The following LTBP4 variants were observed in gnomAD, a reference collection of about 807,000 sequenced individuals.
LTBP4 encodes latent-transforming growth factor beta-binding protein 4.
Under a neutral mutation model 180.2 loss-of-function variants are expected in LTBP4, and 93 were observed. That is an observed-to-expected ratio of 0.52 (90% CI 0.44 to 0.61). The LOEUF is 0.61. Among genes scored for constraint, LTBP4 ranks in the 20% least tolerant of loss-of-function variants. The pLI is 0.00. For missense variants in LTBP4, 2,116 were observed against 2,256.5 expected, an observed-to-expected ratio of 0.94 and a Z score of 1.26; for synonymous variants, 947 against 934.5, an observed-to-expected ratio of 1.01 and a Z score of -0.24.
chr19:40,610,121 C>A (rs1331691483), intron 11 of LTBP4: 1 of 537,454 alleles, frequency 1.9e-6, no homozygotes. Context: ...TATTGCTCCG[C>A]CCCCACGCCC....
chr19:40,609,844 GC>G lies in LTBP4; in HGVS notation c.1659del (p.Gly554AlafsTer190). 1 of 1,596,370 alleles carries G rather than the reference GC, an allele frequency of 6.3e-7. No homozygotes were observed. Among genetic ancestry groups the G allele is most frequent in the Non-Finnish European group, 8.5e-7 (1 of 1,170,358 alleles). ...FRCVCGPGFR[A>X]GPRAAECLDV... ...CTGCGTGTGCGGCCCGGGCTTCCGA[GC>G]CGGCCCACGGGCTGCGGAATGCCTG... On this transcript the variant is annotated frameshift_variant, in exon 11 of 30. Coordinates refer to ENST00000396819, the MANE Select transcript of LTBP4 (RefSeq NM_001042545.2). LOFTEE classifies it high-confidence loss of function. This position sits in a 1 kb window ranked among gnomAD's most constrained non-coding sequence, Gnocchi z 4.9.
intron 18 of LTBP4, 75 bp downstream of exon 18, chr19:40,614,113 C>A (rs2081529553): frequency 6.3e-7 from 1 of 1,581,000 alleles, no homozygotes; most frequent in South Asian, 1.1e-5. Context: ...CCACCTCTGT[C>A]TTTCCTCCTC....
At position 40,616,956 on chromosome 19, in the gene LTBP4, C is replaced by T. The variant is rs1380874429; in HGVS notation, c.2880C>T (p.Gly960=). The T allele has an allele frequency of 6.2e-7, 1 of 1,614,026 alleles. No homozygotes were observed. Among genetic ancestry groups the T allele is most frequent in the Non-Finnish European group, 8.5e-7 (1 of 1,179,892 alleles). The change falls in exon 20 of 30, where the codon GGC becomes GGT. Residue 960 remains glycine, a synonymous_variant. Transcript: ENST00000396819. The part of the protein sequence containing the change: ...CGAQRCENTP[G]SYRCTPACDP... ...CCCAGCGTTGTGAGAACACCCCTGG[C>T]TCCTACCGCTGCACACCAGCCTGTG...
At chr19:40,607,285 C>CCAT in intron 6 of LTBP4, 80 bp from the exon 7 acceptor site, 1 of 1,099,412 alleles carries the variant, frequency 9.1e-7, no homozygotes, top group Non-Finnish European at 1.3e-6. Context: ...ACCCCAGAAC[C>CCAT]ATTCCCCTCT....
At position 40,625,316 on chromosome 19, in the gene LTBP4, A is replaced by ATATATATATATATATT. The variant is rs1568414647; in HGVS notation, c.3833-540_3833-539insATATATATATATATTT. 3.6e-4 allele frequency among the ~76,000 whole-genome samples: 8 copies of ATATATATATATATATT among 21,930 alleles called. 1 individual carries two copies. Among genetic ancestry groups the ATATATATATATATATT allele is most frequent in the South Asian group, 2.2e-3 (1 of 464 alleles). 14.4% of individuals were successfully genotyped at this position (21,930 alleles called of 152,430 possible). ...TATATATATATATATATATATATATATTTTTTTTTTTAAAGATGGGTTTTT... is the reference window on the plus strand; with the variant it reads ...TATATATATATATATATATATATATATATATATATATATATTTTTTTTTTTTTAAAGATGGGTTTTT... On this transcript the variant is annotated intron_variant, in intron 26 of 29. Coordinates refer to ENST00000396819, the MANE Select transcript of LTBP4 (RefSeq NM_001042545.2).
At position 40,617,929 on chromosome 19, in the gene LTBP4, C is replaced by T. The variant is rs375825621; in HGVS notation, c.3070+704C>T. On this transcript the variant is annotated intron_variant, in intron 21 of 29. Coordinates refer to ENST00000396819, the MANE Select transcript of LTBP4 (RefSeq NM_001042545.2). Reference sequence around the variant, plus strand: ...ACACTTGCTTCCTCACATATCTATCCATTAATCCATCTAATTTTTTGGACA... The same window carrying T: ...ACACTTGCTTCCTCACATATCTATCTATTAATCCATCTAATTTTTTGGACA... 3.3e-5 allele frequency among the ~76,000 whole-genome samples: 5 copies of T among 152,148 alleles called. No homozygotes were observed. The East Asian group carries it at 7.7e-4, about 23-fold the overall frequency.
chr19:40,608,309 C>G lies in LTBP4; in HGVS notation c.1246C>G (p.Pro416Ala). 6.2e-7 allele frequency: 1 copy of G among 1,613,792 alleles called. No individual in the cohort carries two copies. Among genetic ancestry groups the G allele is most frequent in the Non-Finnish European group, 8.5e-7 (1 of 1,179,856 alleles). ...CAACACCAGACCCCTGGGCCAGGAGCCACCCCGAGTGTCACTCAGCCAGCC... is the reference window on the plus strand; with the variant it reads ...CAACACCAGACCCCTGGGCCAGGAGGCACCCCGAGTGTCACTCAGCCAGCC... ...RYNTRPLGQE[P>A]PRVSLSQPRT... Residue 416 changes from proline to alanine, a missense_variant, in exon 8 of 30, where the codon CCA becomes GCA. Physicochemically the swap from Pro to Ala is conservative, Grantham distance 27. Transcript: ENST00000396819.
intron 1 of LTBP4, among the ~76,000 whole-genome samples, chr19:40,602,621 C>A (rs559258945): frequency 1.8e-4 from 28 of 152,230 alleles, no homozygotes; most frequent in Non-Finnish European, 3.5e-4. Context: ...CCAGCCCCAA[C>A]GTGCCTGTGC....
chr19:40,617,232 G>GAGTGGGGTCCCATCC lies in LTBP4; in HGVS notation c.3070+8_3070+9insGTGGGGTCCCATCCA, dbSNP rs1248692131. ...GATGGGCGTCACTGCGTGGGTACGG[G>GAGTGGGGTCCCATCC]ACTTCAGGAGGTGGATGGGACCAAA... On this transcript the variant is annotated splice_region_variant and intron_variant, in intron 21 of 29. Coordinates refer to ENST00000396819, the MANE Select transcript of LTBP4 (RefSeq NM_001042545.2). The GAGTGGGGTCCCATCC allele has an allele frequency of 2.5e-6, 4 of 1,611,374 alleles. No homozygotes were observed. The highest frequency in any genetic ancestry group is 3.4e-6 in the Non-Finnish European group (4 of 1,177,992).
rs112614121 is a variant in LTBP4 at position 40,611,078 on chromosome 19, G to A, written c.1811-74G>A. 1.4e-3 allele frequency: 2,239 copies of A among 1,589,078 alleles called. 32 individuals are homozygous for A. The African/African-American group carries it at 0.025, about 18-fold the overall frequency. The stretch of plus-strand genomic sequence containing the variant: ...GGGTCACGGGGACAGAATGTTGGAG[G>A]GTGGAAAGCCAAAGTGACAGAGGTC... On this transcript the variant is annotated intron_variant, in intron 12 of 29. Transcript: ENST00000396819. The surrounding 1 kb of genome is among the most constrained non-coding windows in gnomAD (Gnocchi z 4.4).
upstream of LTBP4, chr19:40,599,498 C>T (rs373445028): frequency 8.1e-6 from 13 of 1,613,608 alleles, no homozygotes; most frequent in African/African-American, 1.3e-4. Context: ...GCCTGCAGTG[C>T]CCAGTCCCAG....
intron 26 of LTBP4, among the ~76,000 whole-genome samples, chr19:40,625,449 T>C (rs1172840026): frequency 6.6e-6 from 1 of 150,956 alleles, no homozygotes; most frequent in Non-Finnish European, 1.5e-5. Flanking sequence ...TCTGTGCTTC[T>C]TGCCACCTCT....
upstream of LTBP4, chr19:40,597,263 G>A (rs1261826857): frequency 1.3e-6 from 2 of 1,510,106 alleles, no homozygotes; most frequent in Admixed American, 2.0e-5. Context: ...AGCGGCCGCC[G>A]CCCCCTCCTG....
chr19:40,622,826 A>T lies in LTBP4; in HGVS notation c.3485-124A>T. On this transcript the variant is annotated intron_variant, in intron 23 of 29. Coordinates refer to ENST00000396819, the MANE Select transcript of LTBP4 (RefSeq NM_001042545.2). This position sits in a 1 kb window ranked among gnomAD's most constrained non-coding sequence, Gnocchi z 5.1. ...CAGGCAGGTGGGCATGGGCAGACAT[A>T]AGGCTGAGAGGTGGGCACTAACAGG... 7.2e-7 allele frequency: 1 copy of T among 1,382,970 alleles called. No homozygotes were observed. The highest frequency in any genetic ancestry group is 9.8e-7 in the Non-Finnish European group (1 of 1,016,682). 85.7% of individuals were successfully genotyped at this position (1,382,970 alleles called of 1,614,324 possible).
At position 40,613,445 on chromosome 19, in the gene LTBP4, G is replaced by C; in HGVS notation, c.2473G>C (p.Gly825Arg). 6.2e-7 allele frequency: 1 copy of C among 1,603,738 alleles called. No individual in the cohort carries two copies. Among genetic ancestry groups the C allele is most frequent in the Non-Finnish European group, 8.5e-7 (1 of 1,175,614 alleles). Residue 825 changes from glycine to arginine, a missense_variant, in exon 17 of 30, where the codon GGC becomes CGC. By Grantham distance (125) the Gly-to-Arg change is moderately radical. Around this residue, in one of 5 missense-constraint regions of LTBP4, gnomAD observed 877 missense variants for 873.6 expected, o/e 1.00. Transcript: ENST00000396819. The surrounding 1 kb of genome is among the most constrained non-coding windows in gnomAD (Gnocchi z 5.0). ...CLEGDFCFPH[G>R]ECLNTDGSFA... ...GGAGGGCGATTTCTGCTTCCCTCAC[G>C]GCGAGTGCCTCAACACTGACGGCTC...
rs530826991 is a variant in LTBP4, at chr19:40,614,081, C to T, written c.2680+43C>T. ...GGCCTGATCCCTCCTCCCTTCGACT[C>T]CCCGACTCGCCGATTGGCCTCCCAC... On this transcript the variant is annotated intron_variant, in intron 18 of 29. Coordinates refer to ENST00000396819, the MANE Select transcript of LTBP4 (RefSeq NM_001042545.2). The T allele has an allele frequency of 2.3e-5, 37 of 1,603,646 alleles. No homozygotes were observed. In the African/African-American group the frequency reaches 3.3e-4, roughly 14 times the overall value.
chr19:40,600,258 C>T (rs1262965554), upstream of LTBP4: 3 of 699,210 alleles, frequency 4.3e-6, no homozygotes, highest in Admixed American at 4.3e-5. This position sits in a 1 kb window ranked among gnomAD's most constrained non-coding sequence, Gnocchi z 4.4. Context: ...ACGGTCCAGC[C>T]GCCGCCTACC....
chr19:40,606,620 C>T lies in LTBP4; in HGVS notation c.991+94C>T. The T allele has an allele frequency of 3.4e-6, 5 of 1,462,580 alleles. 1 individual carries two copies. In the South Asian group the frequency reaches 6.3e-5, roughly 19 times the overall value. The allele number at this position is 1,462,580 out of a possible 1,614,324, so 90.6% of individuals were successfully genotyped here. ...GGGGCCTTTAATTCCCTCGGACCCC[C>T]CCAGACTCCCGGGTTCCTCTGTCAG... On this transcript the variant is annotated intron_variant, in intron 6 of 29. Transcript: ENST00000396819.
In LTBP4 at chr19:40,611,905, G is replaced by A. The variant is rs746887322; in HGVS notation, c.2100G>A (p.Arg700=). The A allele has an allele frequency of 9.3e-6, 15 of 1,609,828 alleles. No individual in the cohort carries two copies. Among genetic ancestry groups the A allele is most frequent in the East Asian group, 2.2e-5 (1 of 44,762 alleles). The stretch of plus-strand genomic sequence containing the variant: ...GCCCCCCACCCTGCACCTACGGCCG[G>A]TGTGAGAACACAGAAGGCAGCTTCC... ...ARSPPPCTYG[R]CENTEGSFQC... Residue 700 remains arginine (R), a synonymous_variant, in exon 14 of 30, where the codon CGG becomes CGA. Coordinates refer to ENST00000396819, the MANE Select transcript of LTBP4 (RefSeq NM_001042545.2). This position sits in a 1 kb window ranked among gnomAD's most constrained non-coding sequence, Gnocchi z 4.4.
Sources: allele counts gnomAD v4.1 joint callset (sites outside exome capture counted in the v4.1 genomes callset), GRCh38; gene constraint gnomAD v4.1.1; regional missense constraint gnomAD v4.1.1; non-coding constraint Gnocchi (gnomAD v3.1); transcripts MANE v1.5; gene names NCBI Gene and HGNC (gene_info 2026-07-23, HGNC 2026-07-21).